RXYLT1: variants seen among roughly 807,000 people sequenced by gnomAD.
RXYLT1 encodes ribitol xylosyltransferase 1.
RXYLT1 carries 41 observed loss-of-function variants against 43.5 expected under a neutral mutation model. That is an observed-to-expected ratio of 0.94 (90% CI 0.73 to 1.22). RXYLT1 has a LOEUF of 1.22. Among genes scored for constraint, RXYLT1 ranks in the 50% most tolerant of loss-of-function variants. The pLI, the probability that RXYLT1 is intolerant of heterozygous loss-of-function variation, is 0.00. For missense variants in RXYLT1, 514 were observed against 532.0 expected, an observed-to-expected ratio of 0.97 and a Z score of 0.33; for synonymous variants, 166 against 194.4, an observed-to-expected ratio of 0.85 and a Z score of 1.21.
chr12:63,780,439 G>A (rs1897653667), intron 1 of RXYLT1: 1 of 1,203,026 alleles, frequency 8.3e-7, no homozygotes, highest in African/African-American at 1.6e-5. Flanking sequence ...GAATGCTCCT[G>A]GAAGGCCTCA....
At chr12:63,780,271 T>C (rs1897648223) in intron 1 of RXYLT1, 142 bp downstream of exon 1, 2 of 1,365,122 alleles carry the variant, frequency 1.5e-6, no homozygotes, top group Admixed American at 3.8e-5. Flanking sequence ...CTACAGCCTC[T>C]CGAGCCAGCC....
At chr12:63,796,037 C>G (rs1898024158) in intron 3 of RXYLT1, among the ~76,000 whole-genome samples, 1 of 152,104 alleles carries the variant, frequency 6.6e-6, no homozygotes, top group African/African-American at 2.4e-5. Flanking sequence ...TTTACAGATA[C>G]ACACATTCCC....
chr12:63,800,834 T>C (rs535701196), intron 3 of RXYLT1, among the ~76,000 whole-genome samples: 197 of 152,030 alleles, frequency 1.3e-3, no homozygotes, highest in Non-Finnish European at 2.1e-3. Flanking sequence ...GGCACAAGAA[T>C]TGCTTGAACC....
Position 63,779,917 on chromosome 12 carries a change from G to C in RXYLT1, c.-44G>C, listed in dbSNP as rs148654258. The C allele has an allele frequency of 4.4e-6, 7 of 1,605,520 alleles. No homozygotes were observed. Among genetic ancestry groups the C allele is most frequent in the Non-Finnish European group, 3.4e-6 (4 of 1,178,316 alleles). On this transcript the variant is annotated 5_prime_UTR_variant, in exon 1 of 6. Coordinates refer to ENST00000261234, the MANE Select transcript of RXYLT1 (RefSeq NM_014254.3). The stretch of plus-strand genomic sequence containing the variant: ...CGCCGGTGTCGCGGATTCTCTTTCC[G>C]CCCGCTCCATGGCGGTGGATGCCTG...
intron 3 of RXYLT1, chr12:63,790,454 C>T (rs1897897390): frequency 6.6e-6 from 1 of 152,260 alleles, no homozygotes; most frequent in Non-Finnish European, 1.5e-5. Flanking sequence ...AGCCCTGTCA[C>T]CTCTGGGCAG....
At chr12:63,787,528 C>T (rs1002767652) in intron 3 of RXYLT1, among the ~76,000 whole-genome samples, 2 of 152,212 alleles carry the variant, frequency 1.3e-5, no homozygotes, top group Non-Finnish European at 2.9e-5. Context: ...AATAATGAAT[C>T]ATCTCCAGAA....
intron 1 of RXYLT1, chr12:63,780,589 G>GTGAACCTGGGAGGCAGAGGTTGCAGTGAA: frequency 1.2e-6 from 1 of 855,166 alleles, no homozygotes. Context: ...ATCAGACTCG[G>GTGAACCTGGGAGGCAGAGGTTGCAGTGAA]CTTTCTCTTT....
intron 5 of RXYLT1, chr12:63,806,143 C>G (rs183267629): frequency 2.9e-4 from 44 of 152,292 alleles, no homozygotes; most frequent in African/African-American, 1.0e-3. Context: ...CTCTTTATTG[C>G]TAATGTAACC....
intron 3 of RXYLT1, among the ~76,000 whole-genome samples, chr12:63,798,171 C>G (rs1898076495): frequency 6.6e-6 from 1 of 152,258 alleles, no homozygotes; most frequent in African/African-American, 2.4e-5. Flanking sequence ...TGTACCTACT[C>G]TCTGTCTGGT....
At chr12:63,781,972 C>T (rs1317788869) in intron 2 of RXYLT1, among the ~76,000 whole-genome samples, 1 of 152,144 alleles carries the variant, frequency 6.6e-6, no homozygotes, top group Admixed American at 6.5e-5. Context: ...TTACTACCAA[C>T]CTCTAAATTT....
Position 63,802,078 on chromosome 12 carries a change from T to C in RXYLT1, c.429-13T>C, listed in dbSNP as rs1898171776. The stretch of plus-strand genomic sequence containing the variant: ...TTGTTTGTCTCTTGTTTTTGTTGTG[T>C]TGTTTTTAACAGCTTCATCACTGGT... On this transcript the variant is annotated splice_polypyrimidine_tract_variant and intron_variant, in intron 3 of 5. Transcript: ENST00000261234. 1 of 1,559,130 alleles carries C rather than the reference T, an allele frequency of 6.4e-7. No individual in the cohort carries two copies. Among genetic ancestry groups the C allele is most frequent in the Non-Finnish European group, 8.7e-7 (1 of 1,154,008 alleles).
chr12:63,779,929 G>T lies in RXYLT1; in HGVS notation c.-32G>T. ...GGATTCTCTTTCCGCCCGCTCCATG[G>T]CGGTGGATGCCTGACTGGAAGCCCG... is the stretch of plus-strand genomic sequence containing the variant. On this transcript the variant is annotated 5_prime_UTR_variant, in exon 1 of 6. Transcript: ENST00000261234. 1 of 1,608,354 alleles carries T rather than the reference G, an allele frequency of 6.2e-7. No individual in the cohort carries two copies.
chr12:63,785,047 T>G lies in RXYLT1; in HGVS notation c.403T>G (p.Ser135Ala). Residue 135 changes from serine to alanine, a missense_variant, in exon 3 of 6, where the codon TCA becomes GCA. Ser to Ala is a moderately conservative substitution (Grantham distance 99, BLOSUM62 1). Transcript: ENST00000261234. ...GACTGCTCAATGGAGAGAAGGAAAG[T>G]CAATCGTAGGAAGAACACAGTACAG... ...DVTAQWREGK[S>A]IVGRTQYSFI... The G allele has an allele frequency of 3.1e-6, 5 of 1,613,820 alleles. No individual in the cohort carries two copies. The highest frequency in any genetic ancestry group is 4.2e-6 in the Non-Finnish European group (5 of 1,179,730).
intron 3 of RXYLT1, among the ~76,000 whole-genome samples, chr12:63,792,842 C>A (rs1224017754): frequency 6.6e-6 from 1 of 152,132 alleles, no homozygotes; most frequent in African/African-American, 2.4e-5. Flanking sequence ...TAGATTAGTC[C>A]ACATCATCTA....
chr12:63,793,467 G>GA (rs1001456565), intron 3 of RXYLT1, among the ~76,000 whole-genome samples: 10 of 151,630 alleles, frequency 6.6e-5, no homozygotes, highest in African/African-American at 1.5e-4. Context: ...TCATAATTAT[G>GA]AAAAAAAGAG....
In RXYLT1 at chr12:63,780,101, G is replaced by A. The variant is rs1157853264; in HGVS notation, c.141G>A (p.Ala47=). Residue 47 remains alanine, a synonymous_variant, in exon 1 of 6, where the codon GCG becomes GCA. Coordinates refer to ENST00000261234, the MANE Select transcript of RXYLT1 (RefSeq NM_014254.3). ...AGSPRGLRKG[A]APARERRGRE... is the part of the protein sequence containing the mutation. ...CCCCGCGGGGCCTCAGGAAGGGGGCGGCCCCCGCGCGGGAGAGACGCGGCC... is the reference window on the plus strand; with the variant it reads ...CCCCGCGGGGCCTCAGGAAGGGGGCAGCCCCCGCGCGGGAGAGACGCGGCC... The A allele has an allele frequency of 1.5e-5, 24 of 1,550,256 alleles. No individual in the cohort carries two copies. Among genetic ancestry groups the A allele is most frequent in the Non-Finnish European group, 2.1e-5 (24 of 1,153,270 alleles).
intron 1 of RXYLT1, chr12:63,780,460 A>T: frequency 8.6e-7 from 1 of 1,160,838 alleles, no homozygotes; most frequent in Non-Finnish European, 1.1e-6. Context: ...AAATCGCCGC[A>T]AGGTTTAAGA....
intron 2 of RXYLT1, among the ~76,000 whole-genome samples, chr12:63,783,474 A>G (rs1329279080): frequency 6.6e-6 from 1 of 152,018 alleles, no homozygotes; most frequent in Non-Finnish European, 1.5e-5. Flanking sequence ...AAAAAAAAAC[A>G]TTGCATATTC....
Position 63,805,583 on chromosome 12 carries a change from G to GAACCC in RXYLT1, c.914+183_914+184insCAACC, listed in dbSNP as rs937733125. On this transcript the variant is annotated intron_variant, in intron 5 of 5. Transcript: ENST00000261234. ...GGGTTGTACACATTTAGAATAGAGA[G>GAACCC]AACCGCCTATGACTGTAGTCCATCT... 32 of 537,216 alleles carry GAACCC rather than the reference G, an allele frequency of 6.0e-5. No homozygotes were observed. In the African/African-American group the frequency reaches 6.1e-4, roughly 10 times the overall value. 33.3% of individuals were successfully genotyped at this position (537,216 alleles called of 1,614,324 possible).
Sources: allele counts gnomAD v4.1 joint callset (sites outside exome capture counted in the v4.1 genomes callset), GRCh38; gene constraint gnomAD v4.1.1; transcripts MANE v1.5; gene names NCBI Gene and HGNC (gene_info 2026-07-23, HGNC 2026-07-21).